The following SYNGR4 variants were observed in gnomAD, a reference collection of about 807,000 sequenced individuals.
SYNGR4 encodes the protein synaptogyrin-4.
SYNGR4 carries 15 observed loss-of-function variants against 15.5 expected under a neutral mutation model. That is an observed-to-expected ratio of 0.97 (90% CI 0.65 to 1.49). The LOEUF (loss-of-function observed/expected upper bound fraction) is 1.49. SYNGR4 is among the 40% of genes most tolerant of loss of function. The pLI is 0.00. For missense variants in SYNGR4, 292 were observed against 299.3 expected (o/e 0.98, Z 0.18); for synonymous variants, 121 against 127.4 (o/e 0.95, Z 0.34).
chr19:48,371,465 C>T (rs1334561782), intron 2 of SYNGR4, among the ~76,000 whole-genome samples: 1 of 152,208 alleles, frequency 6.6e-6, no homozygotes, highest in African/African-American at 2.4e-5. Flanking sequence ...TTGATAGGAG[C>T]CCCCGCCCTC....
At chr19:48,368,268 G>A (rs1320555668) in intron 2 of SYNGR4, among the ~76,000 whole-genome samples, 2 of 152,188 alleles carry the variant, frequency 1.3e-5, no homozygotes, top group Non-Finnish European at 2.9e-5. Context: ...TGTAAAAAGA[G>A]GATCCTAATA....
intron 4 of SYNGR4, 128 bp from the exon 5 acceptor site, chr19:48,375,957 G>A (rs1600950041): frequency 1.3e-6 from 2 of 1,539,066 alleles, no homozygotes; most frequent in East Asian, 4.8e-5. Context: ...TTGGCCTAGG[G>A]CTCCTGGGCA....
intron 4 of SYNGR4, 70 bp downstream of exon 4, chr19:48,375,822 G>A: frequency 6.4e-7 from 1 of 1,573,866 alleles, no homozygotes; most frequent in Non-Finnish European, 8.6e-7. Flanking sequence ...GAAAGGGCTA[G>A]AACATTCCTG....
Position 48,365,387 on chromosome 19 carries a change from T to C in SYNGR4, c.-107-349T>C, listed in dbSNP as rs149443513. Among the ~76,000 whole-genome samples, 19 of 25,246 alleles carry C rather than the reference T, an allele frequency of 7.5e-4. 1 individual carries two copies. The highest frequency in any genetic ancestry group is 3.8e-3 in the South Asian group (2 of 530). The allele number at this position is 25,246 out of a possible 152,430, so 16.6% of individuals were successfully genotyped here. ...GAACCCCCATCCTATGCCTCCCACT[T>C]CTGGGACCCCTAGTAGCCCCCTCAC... On this transcript the variant is annotated intron_variant, in intron 1 of 4. Transcript: ENST00000344846.
Position 48,373,617 on chromosome 19 carries a change from C to T in SYNGR4, c.194C>T (p.Ala65Val). 2 of 1,613,854 alleles carry T rather than the reference C, an allele frequency of 1.2e-6. No homozygotes were observed. Among genetic ancestry groups the T allele is most frequent in the African/African-American group, 1.3e-5 (1 of 75,052 alleles). ...LHCILNSNSV[A>V]CSFAVGAGFL... ...TGCATTCTCAACAGCAACAGCGTGG[C>T]CTGCAGCTTTGCCGTGGGAGCCGGC... is the stretch of plus-strand genomic sequence containing the variant. The change falls in exon 3 of 5, where the codon GCC becomes GTC. Residue 65 changes from alanine (A) to valine (V), a missense_variant. Transcript: ENST00000344846.
In SYNGR4 at chr19:48,375,770, C is replaced by T; in HGVS notation, c.471+18C>T. 1.2e-6 allele frequency: 2 copies of T among 1,606,258 alleles called. No individual in the cohort carries two copies. Among genetic ancestry groups the T allele is most frequent in the African/African-American group, 1.3e-5 (1 of 74,890 alleles). On this transcript the variant is annotated intron_variant, in intron 4 of 4. Transcript: ENST00000344846. ...TTGTCTGGGTGAGGACAAGCCCCTC[C>T]ACCACCCCTCCCTAGGAGGGCACCC... is the stretch of plus-strand genomic sequence containing the variant.
chr19:48,365,930 G>T lies in SYNGR4; in HGVS notation c.88G>T (p.Glu30Ter), dbSNP rs371951428. The part of the protein sequence containing the change: ...RRPKTITRVF[E>*]GVFSLIVFSS... ...GCCCAAGACCATCACGCGGGTCTTCGAAGGGGTGAGGCCCTCCCATGGCCC... is the reference window on the plus strand; with the variant it reads ...GCCCAAGACCATCACGCGGGTCTTCTAAGGGGTGAGGCCCTCCCATGGCCC... The change falls in exon 2 of 5, where the codon GAA (glutamate) becomes TAA (stop). Residue 30 changes from glutamate to a stop codon, truncating the protein, a stop_gained. Transcript: ENST00000344846. LOFTEE classifies it high-confidence loss of function. 3 of 1,613,430 alleles carry T rather than the reference G, an allele frequency of 1.9e-6. No individual in the cohort carries two copies. The highest frequency in any genetic ancestry group is 2.5e-6 in the Non-Finnish European group (3 of 1,179,926).
Position 48,365,850 on chromosome 19 carries a change from T to C in SYNGR4, c.8T>C (p.Ile3Thr). 1 of 1,613,676 alleles carries C rather than the reference T, an allele frequency of 6.2e-7. No individual in the cohort carries two copies. Among genetic ancestry groups the C allele is most frequent in the Non-Finnish European group, 8.5e-7 (1 of 1,179,928 alleles). ...CAAAGGAAAACAGCTGCCATGCACA[T>C]CCCCAAAAGCCTCCAGGAGCTGGCC... MH[I>T]PKSLQELANS... Residue 3 changes from isoleucine (I) to threonine (T), a missense_variant, in exon 2 of 5, where the codon ATC (isoleucine) becomes ACC (threonine). Coordinates refer to ENST00000344846, the MANE Select transcript of SYNGR4 (RefSeq NM_012451.4).
At chr19:48,366,555 G>A (rs11881884) in intron 2 of SYNGR4, among the ~76,000 whole-genome samples, 3,473 of 152,030 alleles carry the variant, frequency 0.023, 134 homozygotes, top group African/African-American at 0.079. Context: ...ACAGGTGTGC[G>A]CCACTGCGCC....
intron 1 of SYNGR4, among the ~76,000 whole-genome samples, chr19:48,365,519 C>T (rs1174136574): frequency 6.8e-6 from 1 of 147,720 alleles, no homozygotes; most frequent in Non-Finnish European, 1.5e-5. Flanking sequence ...CTGGGACCCA[C>T]CTGCACCCCC....
intron 2 of SYNGR4, among the ~76,000 whole-genome samples, chr19:48,369,518 G>C (rs1970273528): frequency 2.6e-5 from 4 of 152,008 alleles, no homozygotes; most frequent in Admixed American, 2.6e-4. Flanking sequence ...ATTTTCCTGA[G>C]CACCTACTAG....
intron 2 of SYNGR4, among the ~76,000 whole-genome samples, chr19:48,370,465 A>C (rs965693658): frequency 4.6e-5 from 7 of 152,166 alleles, no homozygotes; most frequent in African/African-American, 1.7e-4. Flanking sequence ...CCTGCAAGAC[A>C]CAGTGAGACA....
At chr19:48,366,431 G>A (rs972641945) in intron 2 of SYNGR4, among the ~76,000 whole-genome samples, 5 of 151,448 alleles carry the variant, frequency 3.3e-5, no homozygotes, top group East Asian at 3.9e-4. Context: ...AAACAGTTTC[G>A]CTCTGTTGCC....
At chr19:48,366,724 C>G (rs928067126) in intron 2 of SYNGR4, among the ~76,000 whole-genome samples, 3 of 152,078 alleles carry the variant, frequency 2.0e-5, no homozygotes, top group African/African-American at 7.2e-5. Context: ...TTTTTTAAAT[C>G]TGGGATGTCC....
rs930915873 is a variant in SYNGR4 at position 48,376,183 on chromosome 19, C to A, written c.570C>A (p.Leu190=). The change falls in exon 5 of 5, where the codon CTC becomes CTA. Residue 190 remains leucine, a synonymous_variant. Coordinates refer to ENST00000344846, the MANE Select transcript of SYNGR4 (RefSeq NM_012451.4). ...LDEGGMVLTT[L]PLPSANSPVN... ...AGGGTGGCATGGTGCTGACCACCCTCCCCTTGCCCTCTGCCAACAGCCCTG... is the reference window on the plus strand; with the variant it reads ...AGGGTGGCATGGTGCTGACCACCCTACCCTTGCCCTCTGCCAACAGCCCTG... 5 of 1,614,056 alleles carry A rather than the reference C, an allele frequency of 3.1e-6. No homozygotes were observed. The Admixed American group carries it at 5.0e-5, about 16-fold the overall frequency.
chr19:48,365,217 T>G, intron 1 of SYNGR4, among the ~76,000 whole-genome samples: 1 of 141,604 alleles, frequency 7.1e-6, no homozygotes, highest in African/African-American at 2.8e-5. Context: ...CCCCATCCTA[T>G]GCCCCCCTCT....
intron 4 of SYNGR4, 141 bp downstream of exon 4, chr19:48,375,893 C>T: frequency 6.6e-7 from 1 of 1,512,550 alleles, no homozygotes; most frequent in East Asian, 2.4e-5. Context: ...CCACTGGTCC[C>T]TTCCAGGTGC....
rs1405881310 is a variant in SYNGR4 at position 48,376,159 on chromosome 19, G to A, written c.546G>A (p.Glu182=). The change falls in exon 5 of 5, where the codon GAG becomes GAA. Residue 182 remains glutamate, a synonymous_variant. Coordinates refer to ENST00000344846, the MANE Select transcript of SYNGR4 (RefSeq NM_012451.4). ...APVPYKRFLD[E]GGMVLTTLPL... is the part of the protein sequence containing the mutation. ...TCCCTTACAAGCGCTTCCTGGATGA[G>A]GGTGGCATGGTGCTGACCACCCTCC... 1.2e-6 allele frequency: 2 copies of A among 1,614,108 alleles called. No individual in the cohort carries two copies. The highest frequency in any genetic ancestry group is 1.7e-6 in the Non-Finnish European group (2 of 1,180,018).
Position 48,373,732 on chromosome 19 carries a change from G to A in SYNGR4, c.309G>A (p.Gln103=). 6.2e-7 allele frequency: 1 copy of A among 1,613,938 alleles called. No individual in the cohort carries two copies. The highest frequency in any genetic ancestry group is 1.1e-5 in the South Asian group (1 of 91,082). The change falls in exon 3 of 5, where the codon CAG becomes CAA. Residue 103 remains glutamine (Q), a synonymous_variant. Coordinates refer to ENST00000344846, the MANE Select transcript of SYNGR4 (RefSeq NM_012451.4). The stretch of plus-strand genomic sequence containing the variant: ...GCACCCGCTTCAAGACAGCCTTCCA[G>A]CTCCTGGACTTCATCCTGGCTGGTG... The part of the protein sequence containing the change: ...IAGTRFKTAF[Q]LLDFILAVLW...
Sources: allele counts gnomAD v4.1 joint callset (sites outside exome capture counted in the v4.1 genomes callset), GRCh38; gene constraint gnomAD v4.1.1; transcripts MANE v1.5; gene names NCBI Gene and HGNC (gene_info 2026-07-23, HGNC 2026-07-21).